HCN1: variants seen among roughly 807,000 people sequenced by gnomAD.
The protein encoded by HCN1 is potassium/sodium hyperpolarization-activated cyclic nucleotide-gated channel 1.
Under a neutral mutation model 78.9 loss-of-function variants are expected in HCN1, and 13 were observed. That is an observed-to-expected ratio of 0.16 (90% confidence interval 0.11 to 0.26). The LOEUF (loss-of-function observed/expected upper bound fraction) is 0.26. Among genes scored for constraint, HCN1 ranks in the 10% least tolerant of loss-of-function variants. The probability of loss-of-function intolerance (pLI) is 1.00; values close to 1 mark genes in which losing one functional copy is unlikely to be tolerated. For synonymous variants in HCN1, 552 were observed against 455.5 expected (o/e 1.21, Z -2.70); for missense variants, 810 against 1,154.3 (o/e 0.70, Z 4.32).
At chr5:45,363,915 G>C (rs373301560) in intron 4 of HCN1, among the ~76,000 whole-genome samples, 3 of 152,006 alleles carry the variant, frequency 2.0e-5, no homozygotes, top group East Asian at 3.9e-4. Context: ...TATCAGCAGC[G>C]TAAAAATGGG....
At chr5:45,502,238 C>T (rs976317820) in intron 2 of HCN1, among the ~76,000 whole-genome samples, 7 of 151,482 alleles carry the variant, frequency 4.6e-5, no homozygotes, top group East Asian at 3.9e-4. Context: ...GAGGCCGAGG[C>T]GGGCGGATCA....
chr5:45,412,775 C>T (rs1185308451), intron 3 of HCN1, among the ~76,000 whole-genome samples: 4 of 151,864 alleles, frequency 2.6e-5, no homozygotes, highest in African/African-American at 7.2e-5. Flanking sequence ...TGGGTGAGCA[C>T]GGATTGACAA....
At chr5:45,484,248 C>T (rs146168941) in intron 2 of HCN1, among the ~76,000 whole-genome samples, 148 of 152,052 alleles carry the variant, frequency 9.7e-4, no homozygotes, top group Middle Eastern at 3.4e-3. Context: ...CTGGCTAACA[C>T]GGTGAAACCT....
intron 2 of HCN1, among the ~76,000 whole-genome samples, chr5:45,467,686 A>G (rs951297578): frequency 2.0e-5 from 3 of 151,850 alleles, no homozygotes; most frequent in African/African-American, 7.3e-5. Context: ...CTCTCTTTCT[A>G]CTTCCCCAAA....
intron 4 of HCN1, among the ~76,000 whole-genome samples, chr5:45,356,488 T>A (rs1382238428): frequency 6.6e-6 from 1 of 151,970 alleles, no homozygotes; most frequent in Non-Finnish European, 1.5e-5. Context: ...CACTTTTCCA[T>A]GTTAAAAGGT....
At position 45,260,509 on chromosome 5, in the gene HCN1, A is replaced by G. The variant is rs1408862118; in HGVS notation, c.*1412T>C. The G allele has an allele frequency of 6.6e-6, 1 of 152,236 alleles. No homozygotes were observed. 9.4% of individuals were successfully genotyped at this position (152,236 alleles called of 1,614,324 possible). A position where few individuals can be genotyped will look rare whatever the true frequency, so the allele number is the denominator to read the frequency against. On this transcript the variant is annotated 3_prime_UTR_variant, in exon 8 of 8. Coordinates refer to ENST00000303230, the MANE Select transcript of HCN1 (RefSeq NM_021072.4). ...ACACATTAAAAATGACAAACCTCCTATCTAAGGGCTACGTTAGTCACCACA... is the reference window on the plus strand; with the variant it reads ...ACACATTAAAAATGACAAACCTCCTGTCTAAGGGCTACGTTAGTCACCACA...
At position 45,547,905 on chromosome 5, in the gene HCN1, A is replaced by G. The variant is rs202102279; in HGVS notation, c.850-85898T>C. ...TTGATATGTTAATCCAATATTTACT[A>G]GTAAATACACTATTAATCACCTATT... is the stretch of plus-strand genomic sequence containing the variant. On this transcript the variant is annotated intron_variant, in intron 2 of 7. Coordinates refer to ENST00000303230, the MANE Select transcript of HCN1 (RefSeq NM_021072.4). Among the ~76,000 whole-genome samples, 21 of 152,098 alleles carry G rather than the reference A, an allele frequency of 1.4e-4. No homozygotes were observed. In the East Asian group the frequency reaches 4.1e-3, roughly 29 times the overall value.
intron 5 of HCN1, among the ~76,000 whole-genome samples, chr5:45,348,594 C>A (rs1746803449): frequency 6.6e-6 from 1 of 152,014 alleles, no homozygotes; most frequent in Non-Finnish European, 1.5e-5. Context: ...GAGTCAAGAC[C>A]CATCAGTGTG....
At chr5:45,361,567 C>A (rs1747110232) in intron 4 of HCN1, among the ~76,000 whole-genome samples, 1 of 152,168 alleles carries the variant, frequency 6.6e-6, no homozygotes, top group South Asian at 2.1e-4. Context: ...CTGCCTTGGC[C>A]TCCCAAAGTG....
intron 4 of HCN1, among the ~76,000 whole-genome samples, chr5:45,373,277 TTATATTATATATTA>T (rs1412903733): frequency 8.7e-6 from 1 of 114,426 alleles, no homozygotes; most frequent in African/African-American, 3.6e-5. Flanking sequence ...TATATATATT[TTATATTATATATTA>T]TATATATTTT....
In HCN1 at chr5:45,586,949, A is replaced by G. The variant is rs796562525; in HGVS notation, c.849+58236T>C. ...ACCTCAATTCTGTGGGCCATCACTAACCAAGGTTGGCTATAATCATTCCAT... is the reference window on the plus strand; with the variant it reads ...ACCTCAATTCTGTGGGCCATCACTAGCCAAGGTTGGCTATAATCATTCCAT... On this transcript the variant is annotated intron_variant, in intron 2 of 7. Transcript: ENST00000303230. 7.2e-5 allele frequency among the ~76,000 whole-genome samples: 11 copies of G among 152,324 alleles called. 1 individual carries two copies. Among genetic ancestry groups the G allele is most frequent in the African/African-American group, 2.6e-4 (11 of 41,576 alleles).
chr5:45,380,369 C>T (rs1490932874), intron 4 of HCN1, among the ~76,000 whole-genome samples: 1 of 152,050 alleles, frequency 6.6e-6, no homozygotes, highest in Non-Finnish European at 1.5e-5. Flanking sequence ...AATTAAGCTT[C>T]AACATGAATT....
chr5:45,514,319 C>A (rs1490191303), intron 2 of HCN1, among the ~76,000 whole-genome samples: 1 of 152,080 alleles, frequency 6.6e-6, no homozygotes, highest in African/African-American at 2.4e-5. Flanking sequence ...TTCATTATTG[C>A]CACAATCATC....
At chr5:45,528,962 A>G (rs1469504596) in intron 2 of HCN1, among the ~76,000 whole-genome samples, 2 of 152,014 alleles carry the variant, frequency 1.3e-5, no homozygotes, top group African/African-American at 2.4e-5. Flanking sequence ...AGTTTAATAG[A>G]GACAAATGTG....
At chr5:45,547,998 C>A (rs559750521) in intron 2 of HCN1, among the ~76,000 whole-genome samples, 6 of 151,814 alleles carry the variant, frequency 4.0e-5, no homozygotes, top group African/African-American at 9.7e-5. Context: ...TACATCATAT[C>A]TTTTCCTTTG....
At chr5:45,375,432 T>TTATATATAAGATCATATTTTATGATACA in intron 4 of HCN1, among the ~76,000 whole-genome samples, 1 of 116,956 alleles carries the variant, frequency 8.6e-6, no homozygotes, top group Non-Finnish European at 1.6e-5. Context: ...ATGATACATA[T>TTATATATAAGATCATATTTTATGATACA]TATATATAAG....
At chr5:45,391,290 C>T (rs1450792393) in intron 4 of HCN1, among the ~76,000 whole-genome samples, 1 of 151,970 alleles carries the variant, frequency 6.6e-6, no homozygotes, top group African/African-American at 2.4e-5. Context: ...AGTACTCAGT[C>T]GATATGATTT....
chr5:45,505,351 A>C (rs1742277542), intron 2 of HCN1, among the ~76,000 whole-genome samples: 1 of 152,134 alleles, frequency 6.6e-6, no homozygotes, highest in Non-Finnish European at 1.5e-5. Flanking sequence ...CCATTTATTA[A>C]ATAGGGAATC....
chr5:45,618,507 T>C (rs1744998408), intron 2 of HCN1, among the ~76,000 whole-genome samples: 1 of 152,072 alleles, frequency 6.6e-6, no homozygotes, highest in Non-Finnish European at 1.5e-5. Flanking sequence ...CATAGCAAGA[T>C]ATTTGCTAGA....
Sources: gnomAD v4.1 joint callset for allele counts (sites outside exome capture counted in the v4.1 genomes callset) on GRCh38, gnomAD v4.1.1 for gene constraint, MANE v1.5 for transcripts, NCBI Gene and HGNC (gene_info 2026-07-23, HGNC 2026-07-21) for gene names.